The following DOK5 variants were observed in gnomAD, a reference collection of about 807,000 sequenced individuals.
DOK5 encodes docking protein 5.
In DOK5, 27 loss-of-function variants were observed where a neutral mutation model predicts 43.3. The ratio of observed to expected loss-of-function variants is 0.62; its 90% CI spans 0.46 to 0.86. DOK5 has a LOEUF of 0.86. Ranked by LOEUF, DOK5 falls within the 40% of genes least tolerant of loss-of-function variation. The pLI is 0.00. For synonymous variants in DOK5, 146 were observed against 140.1 expected (o/e 1.04, Z -0.30); for missense variants, 373 against 392.9 (o/e 0.95, Z 0.43).
At chr20:54,519,086 G>T (rs188135079) in intron 1 of DOK5, among the ~76,000 whole-genome samples, 2 of 152,156 alleles carry the variant, frequency 1.3e-5, no homozygotes, top group Non-Finnish European at 2.9e-5. Context: ...AGAAATAGGA[G>T]CACTTTTACA....
At position 54,475,795 on chromosome 20, in the gene DOK5, C is replaced by A; in HGVS notation, c.-152C>A. ...TTGGGGGGACAGAGAAAGTGATGTG[C>A]GCCTTCTAAAGCCTCGCCCAGCGCC... is the stretch of plus-strand genomic sequence containing the variant. On this transcript the variant is annotated 5_prime_UTR_variant, in exon 1 of 8. It introduces an in-frame stop codon into an upstream open reading frame of the 5' UTR. Coordinates refer to ENST00000262593, the MANE Select transcript of DOK5 (RefSeq NM_018431.5). This position sits in a 1 kb window ranked among gnomAD's most constrained non-coding sequence, Gnocchi z 4.2. 1.2e-6 allele frequency: 1 copy of A among 867,844 alleles called. No homozygotes were observed. The highest frequency in any genetic ancestry group is 1.8e-6 in the Non-Finnish European group (1 of 557,566). 53.8% of individuals were successfully genotyped at this position (867,844 alleles called of 1,614,324 possible).
chr20:54,502,686 G>A (rs1027393682), intron 1 of DOK5, among the ~76,000 whole-genome samples: 4 of 151,980 alleles, frequency 2.6e-5, no homozygotes, highest in Non-Finnish European at 5.9e-5. Context: ...GTATATATGC[G>A]CTATCCATTA....
chr20:54,633,079 A>G (rs560536867), intron 6 of DOK5, among the ~76,000 whole-genome samples: 57 of 127,128 alleles, frequency 4.5e-4, no homozygotes, highest in Non-Finnish European at 7.8e-4. Flanking sequence ...CTCAAAAACA[A>G]AACAAAACAA....
intron 1 of DOK5, among the ~76,000 whole-genome samples, chr20:54,527,529 C>G (rs1191338947): frequency 6.6e-6 from 1 of 152,152 alleles, no homozygotes; most frequent in East Asian, 1.9e-4. Flanking sequence ...TCAGTTCCCA[C>G]TATGAGGGAG....
chr20:54,478,680 G>A (rs904805396), intron 1 of DOK5, among the ~76,000 whole-genome samples: 10 of 152,290 alleles, frequency 6.6e-5, no homozygotes, highest in East Asian at 3.9e-4. Flanking sequence ...AGAAGGGAAC[G>A]CATTCTGCTT....
intron 1 of DOK5, among the ~76,000 whole-genome samples, chr20:54,527,077 G>C (rs561558947): frequency 2.0e-5 from 3 of 152,130 alleles, no homozygotes; most frequent in Admixed American, 6.5e-5. Flanking sequence ...AACAATTCAC[G>C]AAAGTTATTT....
At position 54,588,818 on chromosome 20, in the gene DOK5, A is replaced by G; in HGVS notation, c.409+12A>G. The G allele has an allele frequency of 6.2e-7, 1 of 1,613,000 alleles. No individual in the cohort carries two copies. Among genetic ancestry groups the G allele is most frequent in the East Asian group, 2.2e-5 (1 of 44,862 alleles). ...GAGAGAACAGAGTGGTATGTAAAGA[A>G]AATTCTCTCCTCTCTCTTTCAAAAC... On this transcript the variant is annotated intron_variant, in intron 4 of 7. Transcript: ENST00000262593.
At chr20:54,565,569 A>G (rs1298398140) in intron 2 of DOK5, among the ~76,000 whole-genome samples, 2 of 152,184 alleles carry the variant, frequency 1.3e-5, no homozygotes, top group African/African-American at 4.8e-5. Context: ...GTTTGAGAGC[A>G]GCCTGAGCAG....
chr20:54,543,565 G>GTGTA, intron 1 of DOK5, among the ~76,000 whole-genome samples: 1 of 151,600 alleles, frequency 6.6e-6, no homozygotes, highest in East Asian at 1.9e-4. Context: ...GTGTGTGTGT[G>GTGTA]TGTGTATGTG....
At chr20:54,561,884 C>T (rs1425151500) in intron 2 of DOK5, among the ~76,000 whole-genome samples, 3 of 152,188 alleles carry the variant, frequency 2.0e-5, no homozygotes, top group African/African-American at 7.2e-5. Flanking sequence ...CTCGAACTCC[C>T]GACCTCAGGT....
intron 2 of DOK5, among the ~76,000 whole-genome samples, chr20:54,557,940 T>G (rs190193729): frequency 1.2e-3 from 189 of 152,260 alleles, no homozygotes; most frequent in Non-Finnish European, 1.1e-3. Context: ...AGACAGGGAT[T>G]TTTTGGGGAT....
At chr20:54,612,118 C>T (rs1228802000) in intron 6 of DOK5, among the ~76,000 whole-genome samples, 2 of 152,192 alleles carry the variant, frequency 1.3e-5, no homozygotes, top group African/African-American at 2.4e-5. Context: ...GGAAATATTA[C>T]TCTTCTGTTG....
At chr20:54,529,538 AC>A (rs1337141269) in intron 1 of DOK5, among the ~76,000 whole-genome samples, 1 of 137,872 alleles carries the variant, frequency 7.3e-6, no homozygotes, top group African/African-American at 3.4e-5. Flanking sequence ...TATAAGGGTG[AC>A]TTTAAAAAAA....
In DOK5 at chr20:54,608,806, G is replaced by C. The variant is rs6098109; in HGVS notation, c.600-1582G>C. ...CCTGCCTCAGCCTCCAGAGTAGCTGGGATTACAGGTGCCCCCCACACCATG... is the reference window on the plus strand; with the variant it reads ...CCTGCCTCAGCCTCCAGAGTAGCTGCGATTACAGGTGCCCCCCACACCATG... On this transcript the variant is annotated intron_variant, in intron 5 of 7. Transcript: ENST00000262593. Among the ~76,000 whole-genome samples, 1,246 of 151,930 alleles carry C rather than the reference G, an allele frequency of 8.2e-3. 18 individuals carry two copies. The highest frequency in any genetic ancestry group is 0.029 in the African/African-American group (1,189 of 41,408).
chr20:54,650,480 C>G lies in DOK5; in HGVS notation c.*1C>G, dbSNP rs779986265. The G allele has an allele frequency of 6.2e-7, 1 of 1,613,822 alleles. No individual in the cohort carries two copies. Among genetic ancestry groups the G allele is most frequent in the Non-Finnish European group, 8.5e-7 (1 of 1,179,878 alleles). On this transcript the variant is annotated 3_prime_UTR_variant, in exon 8 of 8. Transcript: ENST00000262593. ...TCCAGCCTACAGATCTGAGCACTGA[C>G]AGTAACTGCCAAGAATTGTTAACAC...
intron 1 of DOK5, among the ~76,000 whole-genome samples, chr20:54,538,719 T>A (rs73911941): frequency 0.025 from 3,778 of 152,220 alleles, 152 homozygotes; most frequent in African/African-American, 0.085. Context: ...GGTGGTAAAG[T>A]TTATCCCAGA....
rs1983109514 is a variant in DOK5, at chr20:54,514,148, A to G, written c.66+38136A>G. On this transcript the variant is annotated intron_variant, in intron 1 of 7. Coordinates refer to ENST00000262593, the MANE Select transcript of DOK5 (RefSeq NM_018431.5). Reference sequence around the variant, plus strand: ...TCCTAAGCCATCACTGCTCCAGTTAAGGGACATGTGGCTCTGAATACAGGG... The same window carrying G: ...TCCTAAGCCATCACTGCTCCAGTTAGGGGACATGTGGCTCTGAATACAGGG... 2.0e-5 allele frequency among the ~76,000 whole-genome samples: 3 copies of G among 152,196 alleles called. 1 individual carries two copies. In the South Asian group the frequency reaches 6.2e-4, roughly 31 times the overall value.
At chr20:54,547,468 A>G (rs1409073364) in intron 1 of DOK5, among the ~76,000 whole-genome samples, 1 of 152,210 alleles carries the variant, frequency 6.6e-6, no homozygotes, top group Non-Finnish European at 1.5e-5. Flanking sequence ...TTATAGTAAA[A>G]TTAGGAATTC....
At chr20:54,645,462 G>A (rs528444967) in intron 7 of DOK5, among the ~76,000 whole-genome samples, 216 of 151,808 alleles carry the variant, frequency 1.4e-3, no homozygotes, top group Middle Eastern at 3.2e-3. Flanking sequence ...GGTCACAACA[G>A]CATTTTTTTC....
Sources: gnomAD v4.1 joint callset for allele counts (sites outside exome capture counted in the v4.1 genomes callset) on GRCh38, gnomAD v4.1.1 for gene constraint, Gnocchi (gnomAD v3.1) non-coding constraint, MANE v1.5 for transcripts, NCBI Gene and HGNC (gene_info 2026-07-23, HGNC 2026-07-21) for gene names.